NINL: variants seen among roughly 807,000 people sequenced by gnomAD.
The protein encoded by NINL is ninein-like protein.
NINL carries 153 observed loss-of-function variants against 160.3 expected under a neutral mutation model. The observed-to-expected ratio is 0.95, with a 90% CI of 0.84 to 1.09. The LOEUF (loss-of-function observed/expected upper bound fraction) is 1.09. NINL is among the 50% of genes least tolerant of loss of function. The probability of loss-of-function intolerance (pLI) is 0.00; values close to 1 mark genes in which losing one functional copy is unlikely to be tolerated. For missense variants in NINL, 1,829 were observed against 1,764.0 expected, an observed-to-expected ratio of 1.04 and a Z score of -0.66; for synonymous variants, 800 against 734.8, an observed-to-expected ratio of 1.09 and a Z score of -1.43.
chr20:25,549,433 C>A (rs2064780616), intron 1 of NINL, among the ~76,000 whole-genome samples: 1 of 152,256 alleles, frequency 6.6e-6, no homozygotes, highest in Non-Finnish European at 1.5e-5. Context: ...GGCCACAGCT[C>A]CCACACCCAG....
chr20:25,558,334 A>T (rs1404385283), intron 1 of NINL, among the ~76,000 whole-genome samples: 1 of 152,066 alleles, frequency 6.6e-6, no homozygotes, highest in Non-Finnish European at 1.5e-5. Flanking sequence ...CAGCCTCCCA[A>T]GTAGCTGGGA....
chr20:25,579,731 T>A (rs1324407432), intron 1 of NINL, among the ~76,000 whole-genome samples: 1 of 152,120 alleles, frequency 6.6e-6, no homozygotes, highest in Non-Finnish European at 1.5e-5. Flanking sequence ...TCCATGGATG[T>A]GAGAGGCTGT....
intron 1 of NINL, among the ~76,000 whole-genome samples, chr20:25,532,429 T>C (rs1469596203): frequency 6.6e-6 from 1 of 152,222 alleles, no homozygotes; most frequent in Non-Finnish European, 1.5e-5. Context: ...TGCAGGCTCA[T>C]GGCATAGGCA....
chr20:25,521,264 A>G (rs1568939047), intron 2 of NINL, among the ~76,000 whole-genome samples: 1 of 152,172 alleles, frequency 6.6e-6, no homozygotes, highest in Admixed American at 6.5e-5. Flanking sequence ...CATACTTTTC[A>G]GTTCTAGACA....
intron 1 of NINL, among the ~76,000 whole-genome samples, chr20:25,573,469 C>T (rs933935879): frequency 4.6e-5 from 7 of 152,130 alleles, no homozygotes; most frequent in South Asian, 2.1e-4. Context: ...TGCTCTTCTA[C>T]GCTCTCTACA....
At chr20:25,473,428 C>A (rs1231766424) in intron 17 of NINL, among the ~76,000 whole-genome samples, 1 of 144,296 alleles carries the variant, frequency 6.9e-6, no homozygotes, top group African/African-American at 2.6e-5. Context: ...CCAGCCTGGG[C>A]AAAATAGTGA....
chr20:25,558,310 C>T (rs1306738906), intron 1 of NINL, among the ~76,000 whole-genome samples: 2 of 152,150 alleles, frequency 1.3e-5, no homozygotes, highest in East Asian at 1.9e-4. Context: ...TGGATTCAAG[C>T]GATTCTCCTG....
At chr20:25,459,902 G>T (rs2090796497) in intron 21 of NINL, among the ~76,000 whole-genome samples, 1 of 152,168 alleles carries the variant, frequency 6.6e-6, no homozygotes, top group South Asian at 2.1e-4. Context: ...GACGTCCCCA[G>T]GGGAGCACTG....
At chr20:25,552,786 A>G (rs1167876140) in intron 1 of NINL, among the ~76,000 whole-genome samples, 1 of 152,286 alleles carries the variant, frequency 6.6e-6, no homozygotes, top group Non-Finnish European at 1.5e-5. Context: ...GGAGACACAG[A>G]AAGTAATTCA....
chr20:25,554,229 G>A (rs1354457620), intron 1 of NINL, among the ~76,000 whole-genome samples: 3 of 152,004 alleles, frequency 2.0e-5, no homozygotes, highest in Non-Finnish European at 4.4e-5. Context: ...GGAGCATGGG[G>A]TCAGGAGAAA....
intron 12 of NINL, among the ~76,000 whole-genome samples, chr20:25,489,581 C>CT (rs1396989401): frequency 6.6e-6 from 1 of 152,090 alleles, no homozygotes; most frequent in Non-Finnish European, 1.5e-5. Flanking sequence ...GGCAGCCCCT[C>CT]TCCCCATCCT....
intron 1 of NINL, among the ~76,000 whole-genome samples, chr20:25,561,032 C>G (rs1402766848): frequency 2.5e-5 from 1 of 39,822 alleles, no homozygotes; most frequent in Non-Finnish European, 6.1e-5. Flanking sequence ...CTCTCCCTCT[C>G]CCCTCCTCTC....
At chr20:25,471,565 T>G (rs998598693) in intron 17 of NINL, among the ~76,000 whole-genome samples, 39 of 152,086 alleles carry the variant, frequency 2.6e-4, no homozygotes, top group African/African-American at 9.4e-4. Context: ...CCTCTGTGAC[T>G]GTCCTCATGG....
intron 13 of NINL, chr20:25,488,933 G>A (rs1294551407): frequency 3.3e-5 from 12 of 360,548 alleles, no homozygotes; most frequent in Admixed American, 1.2e-4. Flanking sequence ...CGTCCACTGC[G>A]CCCTGCACTC....
intron 20 of NINL, 82 bp from the exon 21 acceptor site, chr20:25,461,717 T>A: frequency 1.0e-6 from 1 of 961,944 alleles, no homozygotes; most frequent in African/African-American, 1.7e-5. Context: ...CTCAGAAAAT[T>A]ACAGAAAAGA....
At position 25,498,151 on chromosome 20, in the gene NINL, C is replaced by CG. The variant is rs2063795855; in HGVS notation, c.1169+58_1169+59insC. ...GGTGTCCTTTGTGTCCCAGACCCCC[C>CG]TCCAGGCCCACCTGGCCAGCCACAC... On this transcript the variant is annotated intron_variant, in intron 9 of 23. Coordinates refer to ENST00000278886, the MANE Select transcript of NINL (RefSeq NM_025176.6). The CG allele has an allele frequency of 1.9e-6, 3 of 1,598,744 alleles. No individual in the cohort carries two copies. The Admixed American group carries it at 5.0e-5, about 27-fold the overall frequency.
intron 5 of NINL, chr20:25,509,588 G>A (rs2146859626): frequency 2.2e-6 from 1 of 452,342 alleles, no homozygotes; most frequent in South Asian, 1.6e-5. Context: ...TGCTGCAAGG[G>A]TTAGCCAGGC....
chr20:25,562,083 A>T (rs2064948885), intron 1 of NINL, among the ~76,000 whole-genome samples: 1 of 140,812 alleles, frequency 7.1e-6, no homozygotes, highest in South Asian at 2.3e-4. Context: ...TGGGGGGGTC[A>T]GCCCCCCGCC....
intron 1 of NINL, among the ~76,000 whole-genome samples, chr20:25,527,638 T>C (rs1026772261): frequency 6.6e-6 from 1 of 152,014 alleles, no homozygotes; most frequent in Non-Finnish European, 1.5e-5. Flanking sequence ...ACAAAAGATA[T>C]ATATATATAA....
Sources: allele counts gnomAD v4.1 joint callset (sites outside exome capture counted in the v4.1 genomes callset), GRCh38; gene constraint gnomAD v4.1.1; transcripts MANE v1.5; gene names NCBI Gene and HGNC (gene_info 2026-07-23, HGNC 2026-07-21).